The following IFT80 variants were observed in gnomAD, a reference collection of about 807,000 sequenced individuals.
The protein encoded by IFT80 is intraflagellar transport 80, also known as intraflagellar transport protein 80 homolog.
IFT80 carries 79 observed loss-of-function variants against 107.9 expected under a neutral mutation model. The ratio of observed to expected loss-of-function variants is 0.73; its 90% CI spans 0.61 to 0.88. The LOEUF (loss-of-function observed/expected upper bound fraction) is 0.88, where lower values mean the gene tolerates loss of function less well. Ranked by LOEUF, IFT80 falls within the 40% of genes least tolerant of loss-of-function variation. The probability of loss-of-function intolerance (pLI) is 0.00; values close to 1 mark genes in which losing one functional copy is unlikely to be tolerated. For missense variants in IFT80, 797 were observed against 914.2 expected (o/e 0.87, Z 1.65); for synonymous variants, 299 against 300.9 (o/e 0.99, Z 0.07).
chr3:160,289,888 G>A (rs1039633565), intron 12 of IFT80, among the ~76,000 whole-genome samples: 1 of 152,106 alleles, frequency 6.6e-6, no homozygotes, highest in South Asian at 2.1e-4. Context: ...ACACCTTGAC[G>A]CAGAAGTGCC....
intron 5 of IFT80, among the ~76,000 whole-genome samples, chr3:160,367,978 C>G (rs1721979951): frequency 1.3e-5 from 2 of 151,916 alleles, no homozygotes; most frequent in South Asian, 4.1e-4. Context: ...AGTAACCCAA[C>G]TATATTTACA....
rs547469602 is a variant in IFT80 at position 160,388,636 on chromosome 3, A to T, written c.-46-3990T>A. Among the ~76,000 whole-genome samples the T allele has an allele frequency of 1.1e-4, 17 of 149,206 alleles. No homozygotes were observed. In the South Asian group the frequency reaches 3.3e-3, roughly 29 times the overall value. On this transcript the variant is annotated intron_variant, in intron 1 of 19. Transcript: ENST00000326448. ...TATGTAATTAATAATATATAAATAC[A>T]TTCTATATAAATATATATAGAGAGA...
chr3:160,301,460 AC>A (rs1311442446), intron 11 of IFT80, among the ~76,000 whole-genome samples: 1 of 151,948 alleles, frequency 6.6e-6, no homozygotes, highest in Non-Finnish European at 1.5e-5. Context: ...ATATTTTATA[AC>A]TAAAGATTAT....
chr3:160,358,050 G>A (rs1324723595), intron 6 of IFT80, among the ~76,000 whole-genome samples: 4 of 151,678 alleles, frequency 2.6e-5, no homozygotes, highest in Non-Finnish European at 5.9e-5. Context: ...TCACTGTCAC[G>A]CAGGTTGGAG....
chr3:160,258,645 A>G lies in IFT80; in HGVS notation c.2224-10T>C. 5 of 1,362,674 alleles carry G rather than the reference A, an allele frequency of 3.7e-6. No individual in the cohort carries two copies. The highest frequency in any genetic ancestry group is 4.9e-6 in the Non-Finnish European group (5 of 1,014,218). 84.4% of individuals were successfully genotyped at this position (1,362,674 alleles called of 1,614,324 possible). A position where few individuals can be genotyped will look rare whatever the true frequency, so the allele number is the denominator to read the frequency against. On this transcript the variant is annotated splice_polypyrimidine_tract_variant and intron_variant, in intron 19 of 19. Coordinates refer to ENST00000326448, the MANE Select transcript of IFT80 (RefSeq NM_020800.3). ...CCCAATCTATTTGGAGCTGCAATAGAAAAAAAAAAGAAGAAATATGCTTAG... is the reference window on the plus strand; with the variant it reads ...CCCAATCTATTTGGAGCTGCAATAGGAAAAAAAAAGAAGAAATATGCTTAG...
chr3:160,366,026 A>T lies in IFT80; in HGVS notation c.549+17T>A. 2 of 1,591,658 alleles carry T rather than the reference A, an allele frequency of 1.3e-6. No individual in the cohort carries two copies. Among genetic ancestry groups the T allele is most frequent in the South Asian group, 2.2e-5 (2 of 90,650 alleles). On this transcript the variant is annotated intron_variant, in intron 6 of 19. Transcript: ENST00000326448. ...CAGGCAGACCCTGATAACAATTTAC[A>T]AATGACTGAGAAGTACCTGCAAAAC...
chr3:160,266,969 G>A (rs143445420), intron 19 of IFT80, among the ~76,000 whole-genome samples: 2 of 152,160 alleles, frequency 1.3e-5, no homozygotes, highest in Non-Finnish European at 2.9e-5. Context: ...GGGATGCTGT[G>A]TTTGTCCTAA....
chr3:160,375,234 T>C (rs1711908263), intron 5 of IFT80, among the ~76,000 whole-genome samples: 1 of 152,098 alleles, frequency 6.6e-6, no homozygotes, highest in Non-Finnish European at 1.5e-5. Flanking sequence ...AAATCATATG[T>C]AATCTAACTT....
intron 5 of IFT80, among the ~76,000 whole-genome samples, chr3:160,368,792 A>T (rs1470719084): frequency 9.3e-6 from 1 of 107,086 alleles, no homozygotes; most frequent in Non-Finnish European, 2.1e-5. Context: ...CAAAAAAGTA[A>T]ATTAATGTTT....
intron 12 of IFT80, among the ~76,000 whole-genome samples, chr3:160,289,185 T>C (rs1433882843): frequency 6.6e-6 from 1 of 152,174 alleles, no homozygotes; most frequent in East Asian, 1.9e-4. Flanking sequence ...GAGGCCATCA[T>C]CCTTAGCAAA....
At chr3:160,310,139 C>T (rs527370514) in intron 9 of IFT80, among the ~76,000 whole-genome samples, 1 of 152,056 alleles carries the variant, frequency 6.6e-6, no homozygotes, top group Non-Finnish European at 1.5e-5. Context: ...CATTTCCTTC[C>T]AAAAGGAGCA....
At chr3:160,297,336 G>T (rs941145992) in intron 12 of IFT80, among the ~76,000 whole-genome samples, 1 of 152,008 alleles carries the variant, frequency 6.6e-6, no homozygotes, top group African/African-American at 2.4e-5. Context: ...TTAATAAATA[G>T]AGTAATTTTA....
intron 12 of IFT80, among the ~76,000 whole-genome samples, chr3:160,295,980 G>T (rs1278853494): frequency 6.6e-6 from 1 of 152,138 alleles, no homozygotes; most frequent in African/African-American, 2.4e-5. Flanking sequence ...AGATCCAGTT[G>T]CCAGAGGCAG....
intron 19 of IFT80, among the ~76,000 whole-genome samples, chr3:160,263,323 C>T (rs1301748966): frequency 6.6e-6 from 1 of 152,180 alleles, no homozygotes; most frequent in Non-Finnish European, 1.5e-5. Flanking sequence ...AACTTCCTAA[C>T]TAGTCTCCTA....
intron 5 of IFT80, among the ~76,000 whole-genome samples, chr3:160,369,235 T>C (rs1722070713): frequency 6.6e-6 from 1 of 151,978 alleles, no homozygotes; most frequent in South Asian, 2.1e-4. Context: ...AGTAATTCCT[T>C]TGTTATAACA....
In IFT80 at chr3:160,350,667, T is replaced by G. The variant is rs139976404; in HGVS notation, c.777+5346A>C. The stretch of plus-strand genomic sequence containing the variant: ...CCACCTCTACTAAAAATACAAAAAT[T>G]AGCTGGGCGTGGTGATGTGCGCGTG... On this transcript the variant is annotated intron_variant, in intron 8 of 19. Coordinates refer to ENST00000326448, the MANE Select transcript of IFT80 (RefSeq NM_020800.3). Among the ~76,000 whole-genome samples, 308 of 152,048 alleles carry G rather than the reference T, an allele frequency of 2.0e-3. 1 individual carries two copies. The highest frequency in any genetic ancestry group is 7.1e-3 in the African/African-American group (293 of 41,510).
At chr3:160,333,143 G>C (rs894365169) in intron 8 of IFT80, among the ~76,000 whole-genome samples, 1 of 152,108 alleles carries the variant, frequency 6.6e-6, no homozygotes, top group Non-Finnish European at 1.5e-5. Flanking sequence ...CACAAAAAAG[G>C]TATAATAAAA....
chr3:160,346,372 T>C (rs1042661734), intron 8 of IFT80, among the ~76,000 whole-genome samples: 1 of 152,224 alleles, frequency 6.6e-6, no homozygotes, highest in Non-Finnish European at 1.5e-5. Context: ...CATAAGTATA[T>C]ACAATTATTA....
chr3:160,378,236 C>T (rs1712184928), intron 3 of IFT80, among the ~76,000 whole-genome samples: 1 of 148,494 alleles, frequency 6.7e-6, no homozygotes, highest in Non-Finnish European at 1.5e-5. Context: ...TTTTTTATAG[C>T]CTATAAAAAA....
Sources: gnomAD v4.1 joint callset for allele counts (sites outside exome capture counted in the v4.1 genomes callset) on GRCh38, gnomAD v4.1.1 for gene constraint, MANE v1.5 for transcripts, NCBI Gene and HGNC (gene_info 2026-07-23, HGNC 2026-07-21) for gene names.